NR3C2: variants seen among roughly 807,000 people sequenced by gnomAD.
NR3C2 encodes the protein nuclear receptor subfamily 3 group C member 2.
A neutral mutation model predicts 86.4 loss-of-function variants in NR3C2; 15 were observed. The observed-to-expected ratio is 0.17, with a 90% CI of 0.12 to 0.27. NR3C2 has a LOEUF of 0.27. Ranked by LOEUF, NR3C2 falls within the 10% of genes least tolerant of loss-of-function variation. The pLI is 1.00. For synonymous variants in NR3C2, 458 were observed against 450.5 expected (o/e 1.02, Z -0.21); for missense variants, 960 against 1,195.6 (o/e 0.80, Z 2.91).
chr4:148,408,190 G>A (rs2059499852), intron 2 of NR3C2, among the ~76,000 whole-genome samples: 1 of 152,156 alleles, frequency 6.6e-6, no homozygotes, highest in African/African-American at 2.4e-5. Context: ...CTAAGTGAAT[G>A]TGTTTCAAGT....
chr4:148,195,169 G>A (rs1261174296), intron 3 of NR3C2, among the ~76,000 whole-genome samples: 5 of 152,184 alleles, frequency 3.3e-5, no homozygotes, highest in Non-Finnish European at 5.9e-5. Context: ...CACATTTCCT[G>A]CAGACATCAC....
intron 2 of NR3C2, among the ~76,000 whole-genome samples, chr4:148,433,326 TA>T (rs1362232262): frequency 3.3e-5 from 5 of 152,288 alleles, no homozygotes; most frequent in Admixed American, 6.5e-5. Context: ...AATAGAACTG[TA>T]ATAACAAAGG....
At chr4:148,088,955 G>A (rs1730941444) in intron 8 of NR3C2, among the ~76,000 whole-genome samples, 1 of 152,092 alleles carries the variant, frequency 6.6e-6, no homozygotes, top group Non-Finnish European at 1.5e-5. Flanking sequence ...ATTCCATTAT[G>A]GGAAAAATGA....
intron 4 of NR3C2, among the ~76,000 whole-genome samples, chr4:148,185,597 A>T (rs534417854): frequency 1.5e-4 from 23 of 152,312 alleles, no homozygotes; most frequent in Admixed American, 5.2e-4. Flanking sequence ...ATCTACAGTG[A>T]CAATTAGTTT....
At chr4:148,321,557 T>C (rs1389243841) in intron 2 of NR3C2, among the ~76,000 whole-genome samples, 1 of 152,172 alleles carries the variant, frequency 6.6e-6, no homozygotes, top group East Asian at 1.9e-4. Context: ...TGAATCTTGG[T>C]GCTCCTGTAT....
chr4:148,119,390 C>T (rs1259169604), intron 7 of NR3C2, among the ~76,000 whole-genome samples: 1 of 152,216 alleles, frequency 6.6e-6, no homozygotes, highest in Non-Finnish European at 1.5e-5. Context: ...GATCCAGCTG[C>T]ATCACATGTC....
chr4:148,234,948 A>T (rs1046548958), intron 3 of NR3C2, among the ~76,000 whole-genome samples: 1 of 152,180 alleles, frequency 6.6e-6, no homozygotes, highest in Non-Finnish European at 1.5e-5. Context: ...AACAACTGCT[A>T]AACATGAAAA....
intron 4 of NR3C2, among the ~76,000 whole-genome samples, chr4:148,160,777 C>CT (rs1174496044): frequency 2.0e-5 from 3 of 152,262 alleles, no homozygotes; most frequent in Admixed American, 2.0e-4. Flanking sequence ...ACAGCATTCT[C>CT]TTCCCCTTGC....
At position 148,244,751 on chromosome 4, in the gene NR3C2, A is replaced by C. The variant is rs72653897; in HGVS notation, c.1897+15227T>G. Reference sequence around the variant, plus strand: ...CTTCTCTTTCTTTTAAAAGTTTTTAAGTATCCATGGTCAGAATTTTGGTAA... The same window carrying C: ...CTTCTCTTTCTTTTAAAAGTTTTTACGTATCCATGGTCAGAATTTTGGTAA... On this transcript the variant is annotated intron_variant, in intron 3 of 8. Transcript: ENST00000358102. Among the ~76,000 whole-genome samples, 929 of 152,328 alleles carry C rather than the reference A, an allele frequency of 6.1e-3. 6 individuals are homozygous for C. Among genetic ancestry groups the C allele is most frequent in the African/African-American group, 0.021 (885 of 41,578 alleles).
At chr4:148,417,758 G>A (rs996012408) in intron 2 of NR3C2, among the ~76,000 whole-genome samples, 3 of 152,160 alleles carry the variant, frequency 2.0e-5, no homozygotes, top group Non-Finnish European at 2.9e-5. Context: ...AATATAAAAT[G>A]AGCAGATTTT....
chr4:148,244,329 T>C (rs1579060303), intron 3 of NR3C2, among the ~76,000 whole-genome samples: 2 of 152,316 alleles, frequency 1.3e-5, no homozygotes, highest in East Asian at 3.9e-4. Flanking sequence ...TTTTAGACAA[T>C]GTAAATAAAC....
intron 2 of NR3C2, among the ~76,000 whole-genome samples, chr4:148,332,808 A>T (rs2149970330): frequency 6.6e-6 from 1 of 152,260 alleles, no homozygotes; most frequent in East Asian, 1.9e-4. Context: ...TTGGTTTTAG[A>T]CAAGGTTTTG....
At chr4:148,237,670 G>C (rs1414025467) in intron 3 of NR3C2, among the ~76,000 whole-genome samples, 1 of 96,544 alleles carries the variant, frequency 1.0e-5, no homozygotes, top group Non-Finnish European at 2.5e-5. Context: ...AAACAAAATG[G>C]GTTTTTTTTT....
intron 6 of NR3C2, among the ~76,000 whole-genome samples, chr4:148,124,534 C>T (rs1455953212): frequency 1.3e-5 from 2 of 152,144 alleles, no homozygotes; most frequent in African/African-American, 4.8e-5. Flanking sequence ...ATATGATTGC[C>T]TGCAGTTTCA....
chr4:148,121,004 T>C (rs906346851), intron 6 of NR3C2, among the ~76,000 whole-genome samples: 3 of 152,374 alleles, frequency 2.0e-5, no homozygotes, highest in South Asian at 2.1e-4. Flanking sequence ...TTATTTTCTC[T>C]TTTCTTGAGA....
intron 2 of NR3C2, among the ~76,000 whole-genome samples, chr4:148,261,839 A>G (rs13104051): frequency 0.17 from 26,191 of 152,248 alleles, 3,017 homozygotes; most frequent in East Asian, 0.47. Flanking sequence ...TGTTTAAAGT[A>G]TTTTGAACTA....
In NR3C2 at chr4:148,154,788, A is replaced by C; in HGVS notation, c.2128T>G (p.Tyr710Asp). The C allele has an allele frequency of 7.6e-7, 1 of 1,307,786 alleles. No homozygotes were observed. Among genetic ancestry groups the C allele is most frequent in the Non-Finnish European group, 1.0e-6 (1 of 993,354 alleles). 81.0% of individuals were successfully genotyped at this position (1,307,786 alleles called of 1,614,324 possible). The change falls in exon 5 of 9, where the codon TAC (tyrosine) becomes GAC (aspartate). Residue 710 changes from tyrosine to aspartate, a missense_variant. Tyr to Asp is a radical substitution (Grantham distance 160). Around this residue, in one of 4 missense-constraint regions of NR3C2, gnomAD observed 82 missense variants for 73.0 expected, o/e 1.12. Transcript: ENST00000358102. ...PPQSPEEGTT[Y>D]IAPAKEPSVN... ...GAGGGTTCTTTTGCAGGAGCGATGT[A>C]CGTTGTCCCTTCCTCTGGGCTTTGC...
intron 2 of NR3C2, among the ~76,000 whole-genome samples, chr4:148,305,225 A>G (rs1201623404): frequency 6.6e-6 from 1 of 152,168 alleles, no homozygotes; most frequent in Non-Finnish European, 1.5e-5. Flanking sequence ...ATCTTGCTTC[A>G]GGTTTTCTCA....
At chr4:148,167,538 G>A (rs1734932529) in intron 4 of NR3C2, among the ~76,000 whole-genome samples, 2 of 152,002 alleles carry the variant, frequency 1.3e-5, no homozygotes, top group African/African-American at 4.8e-5. Context: ...AAGATCATAA[G>A]GCCATGCCCA....
Sources: gnomAD v4.1 joint callset for allele counts (sites outside exome capture counted in the v4.1 genomes callset) on GRCh38, gnomAD v4.1.1 for gene constraint, gnomAD v4.1.1 regional missense constraint, MANE v1.5 for transcripts, NCBI Gene and HGNC (gene_info 2026-07-23, HGNC 2026-07-21) for gene names.